The following TTC6 variants were observed in gnomAD, a reference collection of about 807,000 sequenced individuals.
TTC6 encodes the protein tetratricopeptide repeat domain 6, also known as tetratricopeptide repeat protein 6.
Under a neutral mutation model 210.4 loss-of-function variants are expected in TTC6, and 172 were observed. The ratio of observed to expected loss-of-function variants is 0.82; its 90% CI spans 0.72 to 0.93. The LOEUF is 0.93. Ranked by LOEUF, TTC6 falls within the 40% of genes least tolerant of loss-of-function variation. TTC6 has a pLI of 0.00. For synonymous variants in TTC6, 804 were observed against 819.6 expected, an observed-to-expected ratio of 0.98 and a Z score of 0.32; for missense variants, 2,414 against 2,318.1, an observed-to-expected ratio of 1.04 and a Z score of -0.85.
chr14:37,706,910 A>G (rs544749661), intron 5 of TTC6, among the ~76,000 whole-genome samples: 17 of 151,722 alleles, frequency 1.1e-4, no homozygotes, highest in Non-Finnish European at 2.1e-4. Flanking sequence ...TTTTTTTCTG[A>G]TAGGTTTTTT....
chr14:37,639,040 A>G (rs892007718), intron 1 of TTC6, among the ~76,000 whole-genome samples: 5 of 152,232 alleles, frequency 3.3e-5, no homozygotes, highest in African/African-American at 4.8e-5. Flanking sequence ...AAATAAGAAC[A>G]TACTATACAT....
intron 3 of TTC6, among the ~76,000 whole-genome samples, chr14:37,688,798 C>T (rs1052638430): frequency 1.3e-5 from 2 of 152,134 alleles, no homozygotes; most frequent in African/African-American, 4.8e-5. Context: ...GATCACAACA[C>T]CCAACTCCTT....
chr14:37,731,486 C>T (rs1224469073), intron 7 of TTC6, among the ~76,000 whole-genome samples: 1 of 152,182 alleles, frequency 6.6e-6, no homozygotes, highest in Non-Finnish European at 1.5e-5. Context: ...AACAAGAAGG[C>T]AGAATGACAT....
At chr14:37,826,024 A>G (rs933677426) in intron 27 of TTC6, among the ~76,000 whole-genome samples, 171 bp from the exon 30 acceptor site, 10 of 152,126 alleles carry the variant, frequency 6.6e-5, no homozygotes, top group Non-Finnish European at 1.3e-4. Flanking sequence ...AGGCAACTGA[A>G]TGCAGCCACA....
chr14:37,744,793 G>A (rs1023749524), intron 10 of TTC6, among the ~76,000 whole-genome samples: 1 of 152,160 alleles, frequency 6.6e-6, no homozygotes, highest in African/African-American at 2.4e-5. Context: ...TCTAGTTTAT[G>A]TTCCAGAAGG....
At chr14:37,680,814 C>G (rs979206159) in intron 2 of TTC6, among the ~76,000 whole-genome samples, 3 of 152,094 alleles carry the variant, frequency 2.0e-5, no homozygotes, top group African/African-American at 7.2e-5. Flanking sequence ...AAGTGATAGC[C>G]TGATGGTCAG....
intron 26 of TTC6, among the ~76,000 whole-genome samples, chr14:37,822,252 T>C (rs1484944310): frequency 6.6e-6 from 1 of 152,182 alleles, no homozygotes; most frequent in Non-Finnish European, 1.5e-5. Flanking sequence ...AAAATAAATA[T>C]AGTTAAGTAA....
chr14:37,686,975 C>T (rs1287555570), intron 3 of TTC6, among the ~76,000 whole-genome samples: 1 of 152,122 alleles, frequency 6.6e-6, no homozygotes. Context: ...GAAGGTGGAG[C>T]AAGATGGTGG....
At chr14:37,806,779 C>T (rs111262543) in intron 22 of TTC6, among the ~76,000 whole-genome samples, 13 of 152,120 alleles carry the variant, frequency 8.5e-5, no homozygotes, top group African/African-American at 2.4e-4. Context: ...AGTTTATATA[C>T]TCATTAATTT....
At chr14:37,727,776 C>G (rs1037158016) in intron 7 of TTC6, among the ~76,000 whole-genome samples, 1 of 151,942 alleles carries the variant, frequency 6.6e-6, no homozygotes, top group Admixed American at 6.6e-5. Flanking sequence ...TTTTGATACA[C>G]CATAGTGTTT....
At position 37,697,314 on chromosome 14, in the gene TTC6, A is replaced by G. The variant is rs529155647; in HGVS notation, c.1376+479A>G. 2.2e-4 allele frequency among the ~76,000 whole-genome samples: 33 copies of G among 152,258 alleles called. 1 individual carries two copies. The South Asian group carries it at 6.6e-3, about 31-fold the overall frequency. On this transcript the variant is annotated intron_variant, in intron 4 of 30. Transcript: ENST00000553443. Reference sequence around the variant, plus strand: ...CTTCATCCTCACATCCATAATTTTAATGGAGTTTCTCGTTACACAGGAATA... The same window carrying G: ...CTTCATCCTCACATCCATAATTTTAGTGGAGTTTCTCGTTACACAGGAATA...
chr14:37,783,716 T>C (rs2096060968), intron 14 of TTC6, among the ~76,000 whole-genome samples: 1 of 152,160 alleles, frequency 6.6e-6, no homozygotes, highest in South Asian at 2.1e-4. Flanking sequence ...CTTTTATTTG[T>C]GATGTTAGGA....
upstream of TTC6, among the ~76,000 whole-genome samples, chr14:37,618,105 C>T (rs2095645601): frequency 6.6e-6 from 1 of 152,182 alleles, no homozygotes; most frequent in South Asian, 2.1e-4. Flanking sequence ...TTTATTTTGA[C>T]TTTAGTTACA....
intron 1 of TTC6, among the ~76,000 whole-genome samples, chr14:37,657,068 C>G (rs938231558): frequency 6.6e-5 from 10 of 151,686 alleles, no homozygotes; most frequent in Non-Finnish European, 1.5e-4. Flanking sequence ...AAAAATTAGC[C>G]AGGCGTAGTG....
At chr14:37,729,896 A>G (rs1353211250) in intron 7 of TTC6, among the ~76,000 whole-genome samples, 1 of 152,120 alleles carries the variant, frequency 6.6e-6, no homozygotes, top group Non-Finnish European at 1.5e-5. Context: ...AGGTAGGCAA[A>G]ATTGTTTTAA....
rs138898545 is a variant in TTC6 at position 37,657,426 on chromosome 14, C to CT, written c.940-22724dup. Among the ~76,000 whole-genome samples the CT allele has an allele frequency of 7.2e-4, 108 of 150,858 alleles. 1 individual carries two copies. Among genetic ancestry groups the CT allele is most frequent in the African/African-American group, 2.6e-3 (106 of 41,122 alleles). On this transcript the variant is annotated intron_variant, in intron 1 of 30. Transcript: ENST00000553443. ...TTATCTTCCTGTGCTGCGTGGGGAA[C>CT]TACCCAGGAGAGTGTTTGGGAAGTG...
At chr14:37,762,574 A>G (rs930776043) in intron 14 of TTC6, among the ~76,000 whole-genome samples, 5 of 152,104 alleles carry the variant, frequency 3.3e-5, no homozygotes, top group Non-Finnish European at 7.4e-5. Flanking sequence ...GCATTTTTTC[A>G]TATACCTGTT....
At chr14:37,640,279 C>T (rs1178726842) in intron 1 of TTC6, among the ~76,000 whole-genome samples, 1 of 151,792 alleles carries the variant, frequency 6.6e-6, no homozygotes, top group African/African-American at 2.4e-5. Context: ...AATTAAGTCC[C>T]TTAATTTAGA....
intron 14 of TTC6, among the ~76,000 whole-genome samples, chr14:37,771,636 C>G (rs967959829): frequency 6.6e-6 from 1 of 152,112 alleles, no homozygotes; most frequent in East Asian, 1.9e-4. Context: ...AGTTCTCGAG[C>G]CTTGGTTTTC....
Sources: allele counts gnomAD v4.1 joint callset (sites outside exome capture counted in the v4.1 genomes callset), GRCh38; gene constraint gnomAD v4.1.1; transcripts MANE v1.5; gene names NCBI Gene and HGNC (gene_info 2026-07-23, HGNC 2026-07-21).